ZNF438: variants seen among roughly 807,000 people sequenced by gnomAD.
ZNF438 encodes zinc finger protein 438.
ZNF438 carries 25 observed loss-of-function variants against 38.0 expected under a neutral mutation model. That is an observed-to-expected ratio of 0.66 (90% confidence interval 0.48 to 0.92). The LOEUF (loss-of-function observed/expected upper bound fraction) is 0.92. Among genes scored for constraint, ZNF438 ranks in the 40% least tolerant of loss-of-function variants. The pLI, the probability that ZNF438 is intolerant of heterozygous loss-of-function variation, is 0.00. For missense variants in ZNF438, 1,007 were observed against 999.6 expected, an observed-to-expected ratio of 1.01 and a Z score of -0.10; for synonymous variants, 372 against 364.1, an observed-to-expected ratio of 1.02 and a Z score of -0.25.
At chr10:31,002,919 T>C (rs2054795067) in intron 1 of ZNF438, among the ~76,000 whole-genome samples, 1 of 152,204 alleles carries the variant, frequency 6.6e-6, no homozygotes, top group Non-Finnish European at 1.5e-5. Context: ...AAAGTACTAG[T>C]AGATACCTTC....
At chr10:30,981,216 G>C (rs1241152011) in intron 1 of ZNF438, among the ~76,000 whole-genome samples, 3 of 152,098 alleles carry the variant, frequency 2.0e-5, no homozygotes, top group African/African-American at 7.2e-5. Flanking sequence ...ACATGTTAGG[G>C]GACTGCAGAA....
intron 3 of ZNF438, among the ~76,000 whole-genome samples, chr10:30,905,001 C>A (rs2042431406): frequency 6.6e-6 from 1 of 152,148 alleles, no homozygotes; most frequent in Non-Finnish European, 1.5e-5. Flanking sequence ...AGGGTTCACA[C>A]CCCTTTGTGT....
chr10:30,970,105 T>TACACACACACACAC, intron 1 of ZNF438, among the ~76,000 whole-genome samples: 1 of 145,118 alleles, frequency 6.9e-6, no homozygotes, highest in Non-Finnish European at 1.5e-5. Flanking sequence ...TGCTGGCTGA[T>TACACACACACACAC]ACACACACAC....
intron 1 of ZNF438, among the ~76,000 whole-genome samples, chr10:30,975,997 T>C (rs1156584435): frequency 6.6e-6 from 1 of 152,056 alleles, no homozygotes; most frequent in Non-Finnish European, 1.5e-5. Flanking sequence ...TTCTCATTTA[T>C]CAAGAGATAC....
chr10:30,950,310 T>C (rs2048014157), intron 1 of ZNF438, among the ~76,000 whole-genome samples: 1 of 151,590 alleles, frequency 6.6e-6, no homozygotes, highest in African/African-American at 2.4e-5. Flanking sequence ...ACATCCAAAA[T>C]TGACACCCTA....
chr10:30,848,783 C>A (rs768849110), exon 5 of ZNF438: 1 of 1,614,058 alleles, frequency 6.2e-7, no homozygotes. Flanking sequence ...ATAGGACTTG[C>A]GACAAATCCG....
chr10:30,965,548 T>A (rs2050018044), intron 1 of ZNF438, among the ~76,000 whole-genome samples: 1 of 152,150 alleles, frequency 6.6e-6, no homozygotes, highest in African/African-American at 2.4e-5. Context: ...GAAAACGTGG[T>A]ATATATACAT....
At chr10:30,852,656 G>T (rs1185578738) in intron 4 of ZNF438, among the ~76,000 whole-genome samples, 1 of 152,200 alleles carries the variant, frequency 6.6e-6, no homozygotes, top group African/African-American at 2.4e-5. Flanking sequence ...TTTTTAGAAA[G>T]TAATTGTTTT....
intron 1 of ZNF438, among the ~76,000 whole-genome samples, chr10:30,950,072 C>T (rs1330833249): frequency 6.6e-6 from 1 of 150,722 alleles, no homozygotes; most frequent in Non-Finnish European, 1.5e-5. Flanking sequence ...TGCAATCAAA[C>T]TAGAACTCAG....
intron 2 of ZNF438, among the ~76,000 whole-genome samples, chr10:30,929,600 C>A (rs1411269424): frequency 1.3e-5 from 2 of 152,218 alleles, no homozygotes; most frequent in Non-Finnish European, 2.9e-5. Context: ...GAAGGGGATG[C>A]AAGCAGGTTG....
At chr10:30,965,796 G>A (rs2050050922) in intron 1 of ZNF438, among the ~76,000 whole-genome samples, 1 of 152,086 alleles carries the variant, frequency 6.6e-6, no homozygotes, top group Non-Finnish European at 1.5e-5. Context: ...AGTTGAAAAA[G>A]TTAACTATTG....
In ZNF438 at chr10:31,008,378, G is replaced by A. The variant is rs368021512; in HGVS notation, c.-192+23455C>T. 3.2e-4 allele frequency among the ~76,000 whole-genome samples: 49 copies of A among 152,046 alleles called. 1 individual carries two copies. Among genetic ancestry groups the A allele is most frequent in the Middle Eastern group, 3.4e-3 (1 of 294 alleles). On this transcript the variant is annotated intron_variant, in intron 1 of 5. Coordinates refer to ENST00000413025, the Ensembl canonical transcript of ZNF438. ...TATTCAGAGTTGTGCCACAATCACC[G>A]CAACTTTAGAACATTTTTATCATCC...
At chr10:30,866,178 G>A (rs1039854541) in intron 4 of ZNF438, among the ~76,000 whole-genome samples, 5 of 152,098 alleles carry the variant, frequency 3.3e-5, no homozygotes, top group South Asian at 2.1e-4. Context: ...TGATGAAATC[G>A]TTCACAGTCA....
intron 4 of ZNF438, among the ~76,000 whole-genome samples, chr10:30,872,845 A>G (rs1455184135): frequency 6.6e-6 from 1 of 152,112 alleles, no homozygotes; most frequent in Non-Finnish European, 1.5e-5. Context: ...TGAGACTTGC[A>G]TTAACCAACT....
intron 3 of ZNF438, among the ~76,000 whole-genome samples, chr10:30,882,745 A>G (rs2039433875): frequency 6.6e-6 from 1 of 152,222 alleles, no homozygotes; most frequent in African/African-American, 2.4e-5. Flanking sequence ...ATACCCATCC[A>G]TCGAGGTGAA....
chr10:30,912,385 C>T (rs1022897581), intron 2 of ZNF438, among the ~76,000 whole-genome samples: 3 of 152,128 alleles, frequency 2.0e-5, no homozygotes, highest in Non-Finnish European at 2.9e-5. Context: ...CCAGAAGTCC[C>T]TCGTCTTTCC....
chr10:30,872,297 G>A (rs146310238), intron 4 of ZNF438, among the ~76,000 whole-genome samples: 2,560 of 151,656 alleles, frequency 0.017, 42 homozygotes, highest in Non-Finnish European at 0.021. Flanking sequence ...GTGGTGGTGC[G>A]CTCCTGTAGT....
upstream of ZNF438, chr10:31,031,949 G>C (rs1298366201): frequency 2.6e-5 from 4 of 152,088 alleles, no homozygotes; most frequent in African/African-American, 9.7e-5. Context: ...GCCCCGCCCC[G>C]GCGCCGCGGC....
At chr10:30,865,316 G>C (rs2036254502) in intron 4 of ZNF438, among the ~76,000 whole-genome samples, 1 of 152,242 alleles carries the variant, frequency 6.6e-6, no homozygotes, top group African/African-American at 2.4e-5. Context: ...CTGTATCTAT[G>C]GCCTTCTTTT....
Sources: allele counts gnomAD v4.1 joint callset (sites outside exome capture counted in the v4.1 genomes callset), GRCh38; gene constraint gnomAD v4.1.1; transcripts MANE v1.5; gene names NCBI Gene and HGNC (gene_info 2026-07-23, HGNC 2026-07-21).